BTBD9: variants seen among roughly 807,000 people sequenced by gnomAD.
The protein encoded by BTBD9 is BTB/POZ domain-containing protein 9.
Under a neutral mutation model 64.3 loss-of-function variants are expected in BTBD9, and 49 were observed. The ratio of observed to expected loss-of-function variants is 0.76; its 90% CI spans 0.61 to 0.97. BTBD9 has a LOEUF of 0.97. Ranked by LOEUF, BTBD9 falls within the 50% of genes least tolerant of loss-of-function variation. BTBD9 has a pLI of 0.00. For missense variants in BTBD9, 598 were observed against 762.1 expected (o/e 0.78, Z 2.53); for synonymous variants, 260 against 274.7 (o/e 0.95, Z 0.53).
intron 8 of BTBD9, among the ~76,000 whole-genome samples, chr6:38,270,485 G>A (rs1236511226): frequency 1.3e-5 from 2 of 152,178 alleles, no homozygotes; most frequent in African/African-American, 2.4e-5. Flanking sequence ...CTCTGGCACT[G>A]AATCCCCAAG....
At chr6:38,287,719 C>T (rs1438810811) in intron 8 of BTBD9, among the ~76,000 whole-genome samples, 7 of 152,134 alleles carry the variant, frequency 4.6e-5, no homozygotes, top group Non-Finnish European at 8.8e-5. Flanking sequence ...GTGTCTCTGC[C>T]ATTAAGCAAT....
At chr6:38,200,070 G>C (rs893790305) in intron 9 of BTBD9, among the ~76,000 whole-genome samples, 1 of 152,230 alleles carries the variant, frequency 6.6e-6, no homozygotes, top group Non-Finnish European at 1.5e-5. Context: ...TCAGGGCTTA[G>C]ATGTGCACAG....
At chr6:38,407,789 A>C (rs1767234697) in intron 6 of BTBD9, among the ~76,000 whole-genome samples, 1 of 152,192 alleles carries the variant, frequency 6.6e-6, no homozygotes, top group African/African-American at 2.4e-5. Context: ...TAAATCCTGA[A>C]GTAGCAATGG....
intron 6 of BTBD9, among the ~76,000 whole-genome samples, chr6:38,564,631 G>A (rs936627151): frequency 6.6e-6 from 1 of 152,174 alleles, no homozygotes; most frequent in African/African-American, 2.4e-5. Context: ...ACTCACGCCT[G>A]TAATCCCAGC....
At chr6:38,582,885 C>T (rs1179722377) in intron 4 of BTBD9, among the ~76,000 whole-genome samples, 1 of 152,136 alleles carries the variant, frequency 6.6e-6, no homozygotes, top group Non-Finnish European at 1.5e-5. Flanking sequence ...ATAAAGCGCT[C>T]ATTCAGTATT....
intron 1 of BTBD9, among the ~76,000 whole-genome samples, chr6:38,622,187 T>C (rs894871429): frequency 2.0e-5 from 3 of 152,204 alleles, no homozygotes; most frequent in African/African-American, 7.2e-5. Context: ...GGATAATCCC[T>C]CGGTCCGTTG....
At chr6:38,446,984 C>T (rs1020427393) in intron 6 of BTBD9, among the ~76,000 whole-genome samples, 1 of 152,158 alleles carries the variant, frequency 6.6e-6, no homozygotes, top group Non-Finnish European at 1.5e-5. Flanking sequence ...CCTCAAAACT[C>T]CTTGGTTTAA....
At chr6:38,326,876 A>C (rs1392944350) in intron 7 of BTBD9, among the ~76,000 whole-genome samples, 1 of 152,072 alleles carries the variant, frequency 6.6e-6, no homozygotes, top group Non-Finnish European at 1.5e-5. Context: ...CAATCAACTC[A>C]TGTTTGATAT....
intron 6 of BTBD9, among the ~76,000 whole-genome samples, chr6:38,355,655 C>T (rs1051824034): frequency 9.2e-5 from 14 of 152,258 alleles, no homozygotes; most frequent in Middle Eastern, 3.4e-3. Context: ...TACTAATAGT[C>T]GTTGCTACTG....
At position 38,550,801 on chromosome 6, in the gene BTBD9, G is replaced by C. The variant is rs552283874; in HGVS notation, c.1154+26799C>G. ...CCTTATACAACCTATGGTCTACCTA[G>C]TAGTTAGAACAATCAAATCACAGGA... On this transcript the variant is annotated intron_variant, in intron 6 of 10. Transcript: ENST00000481247. 8.5e-5 allele frequency among the ~76,000 whole-genome samples: 13 copies of C among 152,226 alleles called. No homozygotes were observed. The South Asian group carries it at 2.7e-3, about 32-fold the overall frequency.
chr6:38,580,546 G>T, intron 4 of BTBD9, 109 bp from the exon 5 acceptor site: 1 of 890,750 alleles, frequency 1.1e-6, no homozygotes, highest in Non-Finnish European at 1.7e-6. Context: ...CTGCATTTAA[G>T]AACAGCATAG....
Position 38,459,865 on chromosome 6 carries a change from G to C in BTBD9, c.1155-114772C>G, listed in dbSNP as rs528688116. On this transcript the variant is annotated intron_variant, in intron 6 of 10. Transcript: ENST00000481247. ...AAGTAGAAGTCAATATGTAGCCTTT[G>C]ATTTTAAAAGAGCCATTTTATTTCT... Among the ~76,000 whole-genome samples the C allele has an allele frequency of 5.3e-5, 8 of 152,284 alleles. No homozygotes were observed. In the South Asian group the frequency reaches 1.4e-3, roughly 28 times the overall value.
At chr6:38,415,209 G>A (rs1030679673) in intron 6 of BTBD9, among the ~76,000 whole-genome samples, 23 of 152,228 alleles carry the variant, frequency 1.5e-4, no homozygotes, top group African/African-American at 5.5e-4. Flanking sequence ...AGACTATATG[G>A]CAAAGAGAAT....
chr6:38,487,621 GAGA>G (rs1344793066), intron 6 of BTBD9, among the ~76,000 whole-genome samples: 1 of 145,874 alleles, frequency 6.9e-6, no homozygotes, highest in African/African-American at 2.6e-5. Flanking sequence ...GAGAGAGAGA[GAGA>G]AGGAAGGAAA....
intron 4 of BTBD9, among the ~76,000 whole-genome samples, chr6:38,585,103 G>A (rs1776454859): frequency 6.6e-6 from 1 of 151,788 alleles, no homozygotes; most frequent in Non-Finnish European, 1.5e-5. Context: ...CACTGTACTA[G>A]ACTCAGCCCT....
chr6:38,555,467 T>C (rs928886374), intron 6 of BTBD9, among the ~76,000 whole-genome samples: 2 of 152,230 alleles, frequency 1.3e-5, no homozygotes, highest in Non-Finnish European at 2.9e-5. Flanking sequence ...TGAGATTAAA[T>C]GTAAGTATAT....
intron 7 of BTBD9, among the ~76,000 whole-genome samples, chr6:38,293,481 T>C (rs9380730): frequency 0.068 from 10,343 of 152,096 alleles, 919 homozygotes; most frequent in East Asian, 0.39. Context: ...TATGGACCAA[T>C]GGAACAGAAC....
chr6:38,597,267 A>G (rs1160751994), intron 2 of BTBD9, among the ~76,000 whole-genome samples: 1 of 152,250 alleles, frequency 6.6e-6, no homozygotes, highest in African/African-American at 2.4e-5. Context: ...TTTCCCAGAT[A>G]AATCTATAAC....
At chr6:38,190,900 G>C (rs1007829004) in intron 10 of BTBD9, among the ~76,000 whole-genome samples, 2 of 152,150 alleles carry the variant, frequency 1.3e-5, no homozygotes, top group African/African-American at 4.8e-5. Flanking sequence ...TTTCTGACTT[G>C]AGAATTCCTT....
Sources: gnomAD v4.1 joint callset for allele counts (sites outside exome capture counted in the v4.1 genomes callset) on GRCh38, gnomAD v4.1.1 for gene constraint, MANE v1.5 for transcripts, NCBI Gene and HGNC (gene_info 2026-07-23, HGNC 2026-07-21) for gene names.